The following PCF11 variants were observed in gnomAD, a reference collection of about 807,000 sequenced individuals.
PCF11 encodes the protein pre-mRNA cleavage complex 2 protein Pcf11.
PCF11 carries 19 observed loss-of-function variants against 166.1 expected under a neutral mutation model. The ratio of observed to expected loss-of-function variants is 0.11; its 90% confidence interval spans 0.08 to 0.17. The LOEUF is 0.17. Among genes scored for constraint, PCF11 ranks in the 10% least tolerant of loss-of-function variants. The pLI, the probability that PCF11 is intolerant of heterozygous loss-of-function variation, is 1.00. For missense variants in PCF11, 1,565 were observed against 1,855.5 expected, an observed-to-expected ratio of 0.84 and a Z score of 2.88; for synonymous variants, 663 against 644.1, an observed-to-expected ratio of 1.03 and a Z score of -0.44.
chr11:83,161,018 C>T (rs909545915), intron 1 of PCF11, among the ~76,000 whole-genome samples: 1 of 152,140 alleles, frequency 6.6e-6, no homozygotes, highest in African/African-American at 2.4e-5. Flanking sequence ...TCCCTCGCCT[C>T]CTCCTTATTT....
intron 10 of PCF11, 124 bp from the exon 11 acceptor site, chr11:83,177,590 G>T (rs538824404): frequency 2.2e-6 from 1 of 449,320 alleles, no homozygotes; most frequent in South Asian, 7.0e-5. Context: ...CAGTAAACTT[G>T]AGATCAGAAG....
At chr11:83,177,916 A>G in intron 11 of PCF11, 97 bp downstream of exon 11, 1 of 443,730 alleles carries the variant, frequency 2.3e-6, no homozygotes, top group Non-Finnish European at 3.9e-6. Context: ...CTTTCCCTTT[A>G]TCCCTTTTAC....
Position 83,177,085 on chromosome 11 carries a change from G to T in PCF11, c.3758G>T (p.Gly1253Val). 5 of 1,472,490 alleles carry T rather than the reference G, an allele frequency of 3.4e-6. No homozygotes were observed. In the South Asian group the frequency reaches 4.3e-5, roughly 13 times the overall value. The allele number at this position is 1,472,490 out of a possible 1,614,324, so 91.2% of individuals were successfully genotyped here. ...TTTCTTTCTTTCTTTTTTTTGTTAG[G>T]AGCCCTCCCTAAGGCATATCCTGAT... The change falls in exon 10 of 16, where the codon GGA becomes GTA. Residue 1253 changes from glycine to valine, a missense_variant and splice_region_variant. This residue lies in a region of PCF11 where 725 missense variants were observed against 749.3 expected (regional missense o/e 0.97). Coordinates refer to ENST00000298281, the Ensembl canonical transcript of PCF11.
rs200942397 is a variant in PCF11 at position 83,166,338 on chromosome 11, A to G, written c.1441A>G (p.Arg481Gly). 6 of 1,613,992 alleles carry G rather than the reference A, an allele frequency of 3.7e-6. No individual in the cohort carries two copies. In the Admixed American group the frequency reaches 1.0e-4, roughly 27 times the overall value. Residue 481 changes from arginine (R) to glycine (G), a missense_variant, in exon 5 of 16, where the codon AGA (arginine) becomes GGA (glycine). Transcript: ENST00000298281. ...GAGATCGAGTACTAGAAAGCGATCAAGATCTCGATCACCCAAGTCTAGGTC... is the reference window on the plus strand; with the variant it reads ...GAGATCGAGTACTAGAAAGCGATCAGGATCTCGATCACCCAAGTCTAGGTC...
chr11:83,183,029 T>C lies in PCF11; in HGVS notation c.4417-9T>C, dbSNP rs776535270. 29 of 1,410,870 alleles carry C rather than the reference T, an allele frequency of 2.1e-5. No homozygotes were observed. The highest frequency in any genetic ancestry group is 2.7e-5 in the Non-Finnish European group (27 of 1,015,538). The allele number at this position is 1,410,870 out of a possible 1,614,324, so 87.4% of individuals were successfully genotyped here. A position where few individuals can be genotyped will look rare whatever the true frequency, so the allele number is the denominator to read the frequency against. ...ACGCACATATTTACTTTTTTTCTTT[T>C]TGCTTCAGATTTATCATCCATCATG... On this transcript the variant is annotated splice_polypyrimidine_tract_variant and intron_variant, in intron 14 of 15. Coordinates refer to ENST00000298281, the Ensembl canonical transcript of PCF11.
In PCF11 at chr11:83,157,643, C is replaced by T. The variant is rs766823956; in HGVS notation, c.192+12C>T. On this transcript the variant is annotated intron_variant, in intron 1 of 15. Transcript: ENST00000298281. ...CCCAAACCGCCAAGGTTTTTATACACCCCGCAGCCTCCTATTACTTCTAAT... is the reference window on the plus strand; with the variant it reads ...CCCAAACCGCCAAGGTTTTTATACATCCCGCAGCCTCCTATTACTTCTAAT... The T allele has an allele frequency of 5.0e-6, 8 of 1,610,698 alleles. No homozygotes were observed. Among genetic ancestry groups the T allele is most frequent in the Admixed American group, 1.7e-5 (1 of 60,016 alleles).
At position 83,167,152 on chromosome 11, in the gene PCF11, ACCT is replaced by A. The variant is rs760293352; in HGVS notation, c.1850_1852del (p.Pro617del). On this transcript the variant is annotated inframe_deletion, in exon 6 of 16. Transcript: ENST00000298281. The surrounding 1 kb of genome is among the most constrained non-coding windows in gnomAD (Gnocchi z 4.2). The stretch of plus-strand genomic sequence containing the variant: ...TACAACAGGTTGATGAACATAGTAA[ACCT>A]CCTCATCTGAGGCATAGGGAGAGCT... The A allele has an allele frequency of 3.1e-6, 5 of 1,613,026 alleles. No homozygotes were observed. The highest frequency in any genetic ancestry group is 4.2e-6 in the Non-Finnish European group (5 of 1,179,338).
chr11:83,178,389 T>C (rs939521119), intron 11 of PCF11, among the ~76,000 whole-genome samples: 1 of 152,138 alleles, frequency 6.6e-6, no homozygotes, highest in Non-Finnish European at 1.5e-5. Flanking sequence ...GTATTGATAA[T>C]TCATGTATTC....
At chr11:83,184,879 A>C in exon 16 of PCF11, 3 of 1,557,518 alleles carry the variant, frequency 1.9e-6, no homozygotes, top group Non-Finnish European at 2.6e-6. Context: ...AAAATGACAC[A>C]GTCGAGTCAG....
chr11:83,160,084 AAG>A (rs201006819), intron 1 of PCF11, among the ~76,000 whole-genome samples: 1,921 of 152,324 alleles, frequency 0.013, 51 homozygotes, highest in Admixed American at 0.066. Flanking sequence ...AGTACCTTAA[AAG>A]AAATTTTTCA....
At chr11:83,183,761 A>T (rs1169708319) in intron 15 of PCF11, among the ~76,000 whole-genome samples, 2 of 151,798 alleles carry the variant, frequency 1.3e-5, no homozygotes, top group African/African-American at 4.8e-5. Flanking sequence ...AAGTGCTAGG[A>T]TTATAGGCGT....
At chr11:83,179,790 A>G (rs1320039814) in intron 11 of PCF11, among the ~76,000 whole-genome samples, 1 of 151,566 alleles carries the variant, frequency 6.6e-6, no homozygotes. Context: ...GGTAGTGGGC[A>G]CTTGTAATCC....
intron 11 of PCF11, among the ~76,000 whole-genome samples, chr11:83,178,185 A>T (rs905959802): frequency 2.6e-5 from 4 of 151,686 alleles, no homozygotes; most frequent in Non-Finnish European, 4.4e-5. Context: ...ATACCCAGCT[A>T]ATTTTTGTAT....
At chr11:83,169,002 A>G (rs758572909) in exon 8 of PCF11, 2 of 1,613,340 alleles carry the variant, frequency 1.2e-6, no homozygotes, top group South Asian at 1.1e-5. Flanking sequence ...TGGGTGGTCT[A>G]AGGTTTGAGG....
chr11:83,174,471 G>A (rs1342949124), intron 9 of PCF11, among the ~76,000 whole-genome samples: 1 of 150,002 alleles, frequency 6.7e-6, no homozygotes, highest in Non-Finnish European at 1.5e-5. Context: ...CTCCCACCTC[G>A]GCCTCCCAAA....
chr11:83,168,307 C>A, intron 7 of PCF11, 121 bp from the exon 8 acceptor site: 1 of 927,298 alleles, frequency 1.1e-6, no homozygotes, highest in Non-Finnish European at 1.6e-6. Context: ...CTGCTTTACG[C>A]TGTCGGTCTC....
At chr11:83,172,238 A>C (rs1419246549) in intron 9 of PCF11, among the ~76,000 whole-genome samples, 1 of 152,164 alleles carries the variant, frequency 6.6e-6, no homozygotes, top group East Asian at 1.9e-4. Context: ...TAAATGACAG[A>C]CCTTAGAAAT....
chr11:83,186,501 T>G (rs2135455215), exon 16 of PCF11: 1 of 152,346 alleles, frequency 6.6e-6, no homozygotes, highest in Middle Eastern at 3.4e-3. Context: ...CCTCCCAGAG[T>G]GCTGGGATTA....
intron 9 of PCF11, among the ~76,000 whole-genome samples, chr11:83,173,170 A>G (rs1042249486): frequency 3.9e-5 from 6 of 152,178 alleles, no homozygotes; most frequent in African/African-American, 1.4e-4. Context: ...TGTAAACAGC[A>G]TATGGGCCGG....
Sources: gnomAD v4.1 joint callset for allele counts (sites outside exome capture counted in the v4.1 genomes callset) on GRCh38, gnomAD v4.1.1 for gene constraint, gnomAD v4.1.1 regional missense constraint, Gnocchi (gnomAD v3.1) non-coding constraint, MANE v1.5 for transcripts, NCBI Gene and HGNC (gene_info 2026-07-23, HGNC 2026-07-21) for gene names.